The following CD163L1 variants were observed in gnomAD, a reference collection of about 807,000 sequenced individuals.
The protein encoded by CD163L1 is CD163 molecule like 1.
Under a neutral mutation model 165.4 loss-of-function variants are expected in CD163L1, and 124 were observed. The observed-to-expected ratio is 0.75, with a 90% CI of 0.65 to 0.87. CD163L1 has a LOEUF of 0.87. Among genes scored for constraint, CD163L1 ranks in the 40% least tolerant of loss-of-function variants. CD163L1 has a pLI of 0.00. For synonymous variants in CD163L1, 585 were observed against 662.2 expected (o/e 0.88, Z 1.79); for missense variants, 1,525 against 1,799.9 (o/e 0.85, Z 2.76).
intron 17 of CD163L1, chr12:7,367,594 T>C: frequency 3.4e-6 from 1 of 294,382 alleles, no homozygotes; most frequent in Non-Finnish European, 6.5e-6. Context: ...AGATGATTAA[T>C]TTATTTAACT....
chr12:7,334,592 G>A, the CD163L1 span, among the ~76,000 whole-genome samples: 10 of 152,306 alleles, frequency 6.6e-5, no homozygotes, highest in African/African-American at 2.4e-4. Flanking sequence ...AGACAGGGAT[G>A]CCTTCTCTCA....
chr12:7,443,453 G>A (rs2136659895), intron 1 of CD163L1, among the ~76,000 whole-genome samples: 1 of 152,328 alleles, frequency 6.6e-6, no homozygotes, highest in Non-Finnish European at 1.5e-5. Flanking sequence ...TTTCAGATGT[G>A]CTGTGAAAGA....
the CD163L1 span, among the ~76,000 whole-genome samples, chr12:7,322,106 G>A: frequency 2.6e-5 from 4 of 152,284 alleles, no homozygotes; most frequent in Admixed American, 2.6e-4. Flanking sequence ...GTTATATCAT[G>A]TGGCTCATCA....
rs147256239 is a variant in CD163L1, at chr12:7,375,883, C to A, written c.2503G>T (p.Glu835Ter). The A allele has an allele frequency of 1.6e-5, 26 of 1,614,222 alleles. No homozygotes were observed. Among genetic ancestry groups the A allele is most frequent in the African/African-American group, 1.5e-4 (11 of 75,060 alleles). ...SLHAANVLCR[E>*]LNCGDAISLS... ...GATATGGCATCTCCACAGTTTAATT[C>A]TCTGCACAGCACATTGGCAGCATGA... is the stretch of plus-strand genomic sequence containing the variant. The change falls in exon 10 of 20, where the codon GAA (glutamate) becomes TAA (stop). Residue 835 changes from glutamate (E) to a stop codon, truncating the protein, a stop_gained. Coordinates refer to ENST00000313599, the MANE Select transcript of CD163L1 (RefSeq NM_174941.6). LOFTEE classifies it high-confidence loss of function.
At chr12:7,385,281 G>T (rs1341466794) in intron 8 of CD163L1, among the ~76,000 whole-genome samples, 1 of 149,822 alleles carries the variant, frequency 6.7e-6, no homozygotes, top group Non-Finnish European at 1.5e-5. Context: ...ATCATATAAA[G>T]ATAAATTGAT....
the CD163L1 span, among the ~76,000 whole-genome samples, chr12:7,340,528 C>A: frequency 6.6e-6 from 1 of 152,096 alleles, no homozygotes; most frequent in Non-Finnish European, 1.5e-5. Flanking sequence ...CACTGTAACT[C>A]CCAGTTGTTT....
At chr12:7,423,626 A>G (rs1190165720) in intron 4 of CD163L1, among the ~76,000 whole-genome samples, 1 of 152,150 alleles carries the variant, frequency 6.6e-6, no homozygotes, top group Non-Finnish European at 1.5e-5. Flanking sequence ...TATAGACACA[A>G]TAAAAAATGA....
the CD163L1 span, among the ~76,000 whole-genome samples, chr12:7,325,375 G>C: frequency 6.6e-6 from 1 of 152,166 alleles, no homozygotes; most frequent in Non-Finnish European, 1.5e-5. Flanking sequence ...GGCTGGGCAC[G>C]GTGGCTCACG....
intron 2 of CD163L1, chr12:7,438,858 GC>G: frequency 6.4e-7 from 1 of 1,571,616 alleles, no homozygotes; most frequent in East Asian, 2.2e-5. Flanking sequence ...ACAGATATAG[GC>G]ATAAGCTTCT....
the CD163L1 span, among the ~76,000 whole-genome samples, chr12:7,320,570 C>G: frequency 6.6e-6 from 1 of 152,210 alleles, no homozygotes; most frequent in Admixed American, 6.5e-5. Context: ...TATACAGTCA[C>G]TAGTGACAAG....
At chr12:7,344,249 T>G (rs1372892877), downstream of CD163L1, among the ~76,000 whole-genome samples, 1 of 151,996 alleles carries the variant, frequency 6.6e-6, no homozygotes, top group Non-Finnish European at 1.5e-5. Context: ...CTTGGCTAAT[T>G]TTTTATTTTT....
the CD163L1 span, chr12:7,323,103 A>T: frequency 1.3e-6 from 1 of 797,590 alleles, no homozygotes; most frequent in Non-Finnish European, 2.0e-6. Context: ...CTGGTTTCAA[A>T]TAATATATTT....
chr12:7,355,550 A>T (rs1220407553), intron 19 of CD163L1, among the ~76,000 whole-genome samples: 1 of 152,134 alleles, frequency 6.6e-6, no homozygotes, highest in African/African-American at 2.4e-5. Flanking sequence ...GACAGAACAA[A>T]AGTAGGTTTT....
At chr12:7,396,856 C>A (rs28441252) in intron 7 of CD163L1, among the ~76,000 whole-genome samples, 18,711 of 116,956 alleles carry the variant, frequency 0.16, 1,649 homozygotes, top group African/African-American at 0.28. Context: ...CACACACACA[C>A]AGAGAGAGAG....
intron 4 of CD163L1, among the ~76,000 whole-genome samples, chr12:7,431,447 G>A (rs765103617): frequency 6.6e-5 from 10 of 151,570 alleles, no homozygotes; most frequent in African/African-American, 2.4e-4. Flanking sequence ...AGATGAAGAA[G>A]GCACATTTTA....
chr12:7,403,649 A>C lies in CD163L1; in HGVS notation c.1294T>G (p.Trp432Gly). 1 of 1,614,052 alleles carries C rather than the reference A, an allele frequency of 6.2e-7. No homozygotes were observed. The highest frequency in any genetic ancestry group is 8.5e-7 in the Non-Finnish European group (1 of 1,179,958). Reference sequence around the variant, plus strand: ...CCAGTGCAAGATATGCTGTTTATCCAAATGTCTCTAGCTTCATTACTAGGT... The same window carrying C: ...CCAGTGCAAGATATGCTGTTTATCCCAATGTCTCTAGCTTCATTACTAGGT... ...AKPSNEARDIWINSISCTGNE... is the reference protein window; with the variant it reads ...AKPSNEARDIGINSISCTGNE... The change falls in exon 6 of 20, where the codon TGG becomes GGG. Residue 432 changes from tryptophan (W) to glycine (G), a missense_variant. Transcript: ENST00000313599.
In CD163L1 at chr12:7,374,559, T is replaced by C; in HGVS notation, c.3292A>G (p.Ile1098Val). ...SAHFGEGSGP[I>V]WLDDLNCTGM... The stretch of plus-strand genomic sequence containing the variant: ...GTGCAGTTCAGGTCATCCAGCCAGA[T>C]GGGCCCTGACCCCTCCCCAAAGTGA... The change falls in exon 13 of 20, where the codon ATC becomes GTC. Residue 1098 changes from isoleucine to valine, a missense_variant. Ile to Val is a conservative substitution (Grantham distance 29, BLOSUM62 3). Transcript: ENST00000313599. This position sits in a 1 kb window ranked among gnomAD's most constrained non-coding sequence, Gnocchi z 5.4. 1.9e-6 allele frequency: 3 copies of C among 1,614,220 alleles called. No individual in the cohort carries two copies. The African/African-American group carries it at 4.0e-5, about 22-fold the overall frequency.
chr12:7,367,226 T>C lies in CD163L1; in HGVS notation c.4279+10A>G, dbSNP rs772269114. 46 of 1,584,014 alleles carry C rather than the reference T, an allele frequency of 2.9e-5. No homozygotes were observed. In the East Asian group the frequency reaches 9.4e-4, roughly 32 times the overall value. ...TCTCCATGGAGTGCGGCCCCTGGAGTTGCACAGACCTGAGGTTCTTGTCCC... is the reference window on the plus strand; with the variant it reads ...TCTCCATGGAGTGCGGCCCCTGGAGCTGCACAGACCTGAGGTTCTTGTCCC... On this transcript the variant is annotated intron_variant, in intron 18 of 19. Coordinates refer to ENST00000313599, the MANE Select transcript of CD163L1 (RefSeq NM_174941.6).
chr12:7,339,982 G>A, the CD163L1 span, among the ~76,000 whole-genome samples: 4 of 152,156 alleles, frequency 2.6e-5, no homozygotes, highest in East Asian at 5.8e-4. Flanking sequence ...GTGACATTAC[G>A]ACCATGTGTT....
Sources: allele counts gnomAD v4.1 joint callset (sites outside exome capture counted in the v4.1 genomes callset), GRCh38; gene constraint gnomAD v4.1.1; non-coding constraint Gnocchi (gnomAD v3.1); transcripts MANE v1.5; gene names NCBI Gene and HGNC (gene_info 2026-07-23, HGNC 2026-07-21).